Variants in COX15 observed in about 807,000 individuals in gnomAD.
COX15 encodes cytochrome c oxidase assembly factor COX15, also known as heme A synthase COX15.
A neutral mutation model predicts 51.9 loss-of-function variants in COX15; 51 were observed. The ratio of observed to expected loss-of-function variants is 0.98; its 90% CI spans 0.78 to 1.24. The LOEUF is 1.24. COX15 is among the 50% of genes most tolerant of loss of function. The pLI is 0.00. For synonymous variants in COX15, 188 were observed against 190.5 expected (o/e 0.99, Z 0.11); for missense variants, 420 against 501.1 (o/e 0.84, Z 1.55).
At chr10:99,701,146 T>C in the COX15 span, 1 of 1,173,056 alleles carries the variant, frequency 8.5e-7, no homozygotes, top group Non-Finnish European at 1.3e-6. Flanking sequence ...GCAGATTAGA[T>C]TTCATGTTGA....
Position 99,718,478 on chromosome 10 carries a change from A to G in COX15, c.855T>C (p.Asp285=), listed in dbSNP as rs1225993479. The G allele has an allele frequency of 1.2e-6, 2 of 1,614,226 alleles. No individual in the cohort carries two copies. Among genetic ancestry groups the G allele is most frequent in the South Asian group, 2.2e-5 (2 of 91,090 alleles). The change falls in exon 7 of 9, where the codon GAT becomes GAC. Residue 285 remains aspartate (D), a synonymous_variant. Coordinates refer to ENST00000016171, the MANE Select transcript of COX15 (RefSeq NM_078470.6). ...ALSGAFVAGL[D]AGLVYNSFPK... ...GAAAGGAGTTATAAACAAGCCCAGC[A>G]TCTAGCCCTGCCACAAAAGCCCCTG...
chr10:99,727,366 C>A (rs1195096451), intron 3 of COX15, 75 bp downstream of exon 3: 1 of 1,583,132 alleles, frequency 6.3e-7, no homozygotes, highest in African/African-American at 1.3e-5. Context: ...AATAATCTAA[C>A]CATTCTGAAG....
downstream of COX15, chr10:99,705,986 A>C (rs1488868593): frequency 6.6e-6 from 1 of 152,020 alleles, no homozygotes; most frequent in Non-Finnish European, 1.5e-5. Flanking sequence ...CTTATATTTT[A>C]CCCTTTCCTA....
downstream of COX15, chr10:99,706,376 C>G (rs1029712128): frequency 2.0e-5 from 3 of 151,984 alleles, no homozygotes; most frequent in Admixed American, 2.0e-4. Context: ...CGCTGTCACC[C>G]AGGCTGGAGT....
chr10:99,704,566 C>G, the COX15 span: 1 of 1,614,192 alleles, frequency 6.2e-7, no homozygotes, highest in Non-Finnish European at 8.5e-7. Flanking sequence ...TGGCCATCTT[C>G]CTATACCTTC....
At chr10:99,706,714 T>A (rs2036261170), downstream of COX15, among the ~76,000 whole-genome samples, 1 of 152,196 alleles carries the variant, frequency 6.6e-6, no homozygotes, top group African/African-American at 2.4e-5. Flanking sequence ...GACTTCTACA[T>A]TGCTTTTTCT....
chr10:99,709,145 G>A (rs1374429905), downstream of COX15: 1 of 984,096 alleles, frequency 1.0e-6, no homozygotes, highest in African/African-American at 1.7e-5. Flanking sequence ...TTCATTAGAT[G>A]ACTACAGCCT....
chr10:99,701,408 C>CAA, the COX15 span, among the ~76,000 whole-genome samples: 1 of 151,814 alleles, frequency 6.6e-6, no homozygotes, highest in Non-Finnish European at 1.5e-5. Flanking sequence ...CTGCCTCAGC[C>CAA]CCCCAAGTAG....
At chr10:99,727,725 T>C (rs2037006269) in intron 2 of COX15, among the ~76,000 whole-genome samples, 162 bp from the exon 3 acceptor site, 5 of 152,222 alleles carry the variant, frequency 3.3e-5, no homozygotes, top group Admixed American at 3.3e-4. Flanking sequence ...TGGAATTTTG[T>C]CAGAAACAGC....
chr10:99,709,021 G>A (rs759599665), downstream of COX15: 29 of 984,808 alleles, frequency 2.9e-5, no homozygotes, highest in Non-Finnish European at 3.5e-5. Flanking sequence ...CAGAAATAGT[G>A]CCAAGTTTTC....
chr10:99,702,560 A>C, the COX15 span: 1 of 1,611,774 alleles, frequency 6.2e-7, no homozygotes, highest in Non-Finnish European at 8.5e-7. Flanking sequence ...TACATGAAGG[A>C]TTCCACTTTC....
chr10:99,710,798 TCATTACCC>T, downstream of COX15: 1 of 985,396 alleles, frequency 1.0e-6, no homozygotes, highest in Non-Finnish European at 1.2e-6. Flanking sequence ...GAGTTGCTAG[TCATTACCC>T]CTGCTACAAT....
the COX15 span, among the ~76,000 whole-genome samples, chr10:99,696,697 T>C: frequency 1.2e-3 from 183 of 152,342 alleles, no homozygotes; most frequent in East Asian, 0.014. Flanking sequence ...CAAACAGTGG[T>C]GGGATTTCTT....
In COX15 at chr10:99,727,038, C is replaced by T. The variant is rs781364399; in HGVS notation, c.512G>A (p.Trp171Ter). Residue 171 changes from tryptophan to a stop codon, truncating the protein, a stop_gained, in exon 4 of 9, where the codon TGG becomes TAG. Coordinates refer to ENST00000016171, the MANE Select transcript of COX15 (RefSeq NM_078470.6). LOFTEE classifies it high-confidence loss of function. ...LVYILPAAYFWRKGWLSRGMK... is the reference protein window; with the variant it reads ...LVYILPAAYF ...GCCACGGCTGAGCCAGCCCTTTCTC[C>T]AAAAGTAGGCAGCAGGCAGGATGTA... 1 of 1,614,162 alleles carries T rather than the reference C, an allele frequency of 6.2e-7. No homozygotes were observed. The highest frequency in any genetic ancestry group is 8.5e-7 in the Non-Finnish European group (1 of 1,180,030).
chr10:99,713,052 T>C lies in COX15; in HGVS notation c.*1535A>G, dbSNP rs529046851. 3.5e-5 allele frequency: 41 copies of C among 1,174,880 alleles called. 1 individual carries two copies. The South Asian group carries it at 6.5e-4, about 19-fold the overall frequency. 72.8% of individuals were successfully genotyped at this position (1,174,880 alleles called of 1,614,324 possible). A position where few individuals can be genotyped will look rare whatever the true frequency, so the allele number is the denominator to read the frequency against. On this transcript the variant is annotated 3_prime_UTR_variant, in exon 9 of 9. Coordinates refer to ENST00000016171, the MANE Select transcript of COX15 (RefSeq NM_078470.6). ...TGGATACACACTTAGTGGCCATCAATATCTTGCTTAAATTTGGTACCCAGA... is the reference window on the plus strand; with the variant it reads ...TGGATACACACTTAGTGGCCATCAACATCTTGCTTAAATTTGGTACCCAGA...
the COX15 span, chr10:99,704,573 C>CT: frequency 1.1e-5 from 17 of 1,614,068 alleles, no homozygotes; most frequent in Non-Finnish European, 1.4e-5. Context: ...CTTCCTATAC[C>CT]TTCTGCGGCT....
intron 6 of COX15, among the ~76,000 whole-genome samples, chr10:99,720,103 G>T (rs1038729346): frequency 1.3e-5 from 2 of 152,120 alleles, no homozygotes; most frequent in African/African-American, 4.8e-5. Flanking sequence ...TCCTCTACTG[G>T]ATAGTGCAGT....
At position 99,713,398 on chromosome 10, in the gene COX15, T is replaced by A; in HGVS notation, c.*1189A>T. ...CATCTATTATATTAGCAATATTGGG[T>A]TGCTCCATCCTCAAATCAGATGTTT... is the stretch of plus-strand genomic sequence containing the variant. On this transcript the variant is annotated 3_prime_UTR_variant, in exon 9 of 9. Coordinates refer to ENST00000016171, the MANE Select transcript of COX15 (RefSeq NM_078470.6). The A allele has an allele frequency of 6.2e-7, 1 of 1,613,952 alleles. No homozygotes were observed. The highest frequency in any genetic ancestry group is 8.5e-7 in the Non-Finnish European group (1 of 1,179,970).
chr10:99,724,424 C>A (rs895771321), intron 4 of COX15, among the ~76,000 whole-genome samples: 1 of 152,154 alleles, frequency 6.6e-6, no homozygotes, highest in African/African-American at 2.4e-5. Flanking sequence ...TCGTGATCCG[C>A]CCACCTCAGC....
Sources: gnomAD v4.1 joint callset for allele counts (sites outside exome capture counted in the v4.1 genomes callset) on GRCh38, gnomAD v4.1.1 for gene constraint, MANE v1.5 for transcripts, NCBI Gene and HGNC (gene_info 2026-07-23, HGNC 2026-07-21) for gene names.